OTUD4: variants seen among roughly 807,000 people sequenced by gnomAD.
OTUD4 encodes the protein OTU domain-containing protein 4.
Under a neutral mutation model 130.4 loss-of-function variants are expected in OTUD4, and 24 were observed. That is an observed-to-expected ratio of 0.18 (90% CI 0.13 to 0.26). The LOEUF (loss-of-function observed/expected upper bound fraction) is 0.26, where lower values mean the gene tolerates loss of function less well. OTUD4 is among the 10% of genes least tolerant of loss of function. The probability of loss-of-function intolerance (pLI) is 1.00; values close to 1 mark genes in which losing one functional copy is unlikely to be tolerated. For missense variants in OTUD4, 1,031 were observed against 1,329.4 expected (o/e 0.78, Z 3.49); for synonymous variants, 420 against 472.5 (o/e 0.89, Z 1.44).
chr4:145,145,392 T>G (rs923154908), intron 14 of OTUD4, among the ~76,000 whole-genome samples: 5 of 152,200 alleles, frequency 3.3e-5, no homozygotes, highest in African/African-American at 1.2e-4. Context: ...CAGATTAAAC[T>G]GCTATTCCAG....
chr4:145,138,658 GACA>G lies in OTUD4; in HGVS notation c.2125-11_2125-9del. The G allele has an allele frequency of 6.3e-7, 1 of 1,577,462 alleles. No individual in the cohort carries two copies. The highest frequency in any genetic ancestry group is 8.6e-7 in the Non-Finnish European group (1 of 1,166,620). On this transcript the variant is annotated splice_polypyrimidine_tract_variant and intron_variant, in intron 20 of 20. Transcript: ENST00000447906. ...CATAGGACAACTGTATGCCTGAAGA[GACA>G]AAAAACAGTTAAATAAACAAAAGAG...
intron 2 of OTUD4, among the ~76,000 whole-genome samples, chr4:145,172,910 TGA>T (rs1579290981): frequency 6.6e-6 from 1 of 152,102 alleles, no homozygotes; most frequent in Admixed American, 6.5e-5. Context: ...GCATCCTCTC[TGA>T]GAGTCTCCTT....
intron 3 of OTUD4, among the ~76,000 whole-genome samples, chr4:145,167,757 C>T (rs540084450): frequency 1.1e-4 from 16 of 152,198 alleles, no homozygotes; most frequent in South Asian, 2.1e-4. Context: ...ACTCAGGAGG[C>T]TGAGACAGGA....
chr4:145,143,549 C>CCT (rs1750685153), intron 16 of OTUD4, 104 bp from the exon 17 acceptor site: 1 of 650,804 alleles, frequency 1.5e-6, no homozygotes, highest in African/African-American at 1.8e-5. Context: ...CTGACAGAAC[C>CCT]CTCTCACCAC....
chr4:145,158,222 G>A (rs1393010977), intron 7 of OTUD4, among the ~76,000 whole-genome samples: 2 of 152,152 alleles, frequency 1.3e-5, no homozygotes, highest in Admixed American at 6.5e-5. Flanking sequence ...AGTGGCTCAC[G>A]CCTGTAATCC....
intron 2 of OTUD4, 135 bp downstream of exon 2, chr4:145,174,526 A>G (rs1313969044): frequency 1.7e-6 from 1 of 591,944 alleles, no homozygotes; most frequent in Non-Finnish European, 3.1e-6. Context: ...AGTTCAATAG[A>G]GAAGTTTTTT....
In OTUD4 at chr4:145,142,237, A is replaced by G. The variant is rs1002388587; in HGVS notation, c.1781T>C (p.Val594Ala). 2 of 1,614,042 alleles carry G rather than the reference A, an allele frequency of 1.2e-6. No individual in the cohort carries two copies. The highest frequency in any genetic ancestry group is 1.3e-5 in the African/African-American group (1 of 75,066). ...TGTAGGTTCACTTGGCCAGGCTGGC[A>G]CAGTGGCTGGTAAAGAAGGCACCGC... is the stretch of plus-strand genomic sequence containing the variant. ...TPAVPSLPATVPAWPSEPTTF... is the reference protein window; with the variant it reads ...TPAVPSLPATAPAWPSEPTTF... Residue 594 changes from valine (V) to alanine (A), a missense_variant, in exon 18 of 21, where the codon GTG (valine) becomes GCG (alanine). Coordinates refer to ENST00000447906, the MANE Select transcript of OTUD4 (RefSeq NM_001366057.1).
At chr4:145,139,334 G>A (rs976390849) in intron 20 of OTUD4, among the ~76,000 whole-genome samples, 3 of 152,164 alleles carry the variant, frequency 2.0e-5, no homozygotes, top group Non-Finnish European at 4.4e-5. Flanking sequence ...TCGTTTCATA[G>A]TTTAACTGTC....
At chr4:145,175,355 G>GT (rs1752367664) in intron 1 of OTUD4, among the ~76,000 whole-genome samples, 1 of 152,122 alleles carries the variant, frequency 6.6e-6, no homozygotes, top group African/African-American at 2.4e-5. Context: ...ATGTTGTGTG[G>GT]TATCATCCCA....
chr4:145,169,136 G>C (rs984886725), intron 3 of OTUD4, among the ~76,000 whole-genome samples: 5 of 152,136 alleles, frequency 3.3e-5, no homozygotes, highest in African/African-American at 9.7e-5. Flanking sequence ...GGGGATAGGC[G>C]GAAGAGGATT....
chr4:145,161,883 T>C (rs1307560306), intron 6 of OTUD4, among the ~76,000 whole-genome samples: 1 of 152,234 alleles, frequency 6.6e-6, no homozygotes, highest in Non-Finnish European at 1.5e-5. Context: ...AAATCTTTAT[T>C]ACCAAAATGA....
At position 145,159,653 on chromosome 4, in the gene OTUD4, CAG is replaced by C; in HGVS notation, c.497-20_497-19del. 1 of 1,609,778 alleles carries C rather than the reference CAG, an allele frequency of 6.2e-7. No homozygotes were observed. Among genetic ancestry groups the C allele is most frequent in the Non-Finnish European group, 8.5e-7 (1 of 1,177,906 alleles). The stretch of plus-strand genomic sequence containing the variant: ...AAGGAGAGCTGCAATTAATGACAGA[CAG>C]ATTTTCCAACATTAACTACAGGCAG... On this transcript the variant is annotated intron_variant, in intron 6 of 20. Transcript: ENST00000447906.
chr4:145,177,862 G>A (rs1432968425), intron 1 of OTUD4, among the ~76,000 whole-genome samples: 1 of 152,148 alleles, frequency 6.6e-6, no homozygotes, highest in Non-Finnish European at 1.5e-5. Flanking sequence ...GATTTTATAG[G>A]AGAAATTGTT....
chr4:145,155,273 T>G lies in OTUD4; in HGVS notation c.873+138A>C, dbSNP rs544560641. On this transcript the variant is annotated intron_variant, in intron 10 of 20. Coordinates refer to ENST00000447906, the MANE Select transcript of OTUD4 (RefSeq NM_001366057.1). ...AAAAAGCTAAATACTTGTAAACTAT[T>G]AAAATGTATATACATGATAAATATA... 37 of 682,880 alleles carry G rather than the reference T, an allele frequency of 5.4e-5. No individual in the cohort carries two copies. The South Asian group carries it at 6.5e-4, about 12-fold the overall frequency. 42.3% of individuals were successfully genotyped at this position (682,880 alleles called of 1,614,324 possible).
At chr4:145,173,242 T>C (rs1213212812) in intron 2 of OTUD4, among the ~76,000 whole-genome samples, 7 of 152,014 alleles carry the variant, frequency 4.6e-5, no homozygotes, top group Non-Finnish European at 1.0e-4. Flanking sequence ...ATACAAAAAA[T>C]TAGCCTGGCG....
intron 5 of OTUD4, among the ~76,000 whole-genome samples, chr4:145,163,084 C>A (rs566901131): frequency 6.6e-6 from 1 of 152,120 alleles, no homozygotes; most frequent in African/African-American, 2.4e-5. Context: ...CAAGCAAAAT[C>A]AAAGTTAAAT....
chr4:145,136,763 A>G lies in OTUD4; in HGVS notation c.*667T>C, dbSNP rs1170066573. The G allele has an allele frequency of 6.6e-6, 1 of 152,602 alleles. No individual in the cohort carries two copies. Among genetic ancestry groups the G allele is most frequent in the Non-Finnish European group, 1.5e-5 (1 of 68,028 alleles). 9.5% of individuals were successfully genotyped at this position (152,602 alleles called of 1,614,324 possible). On this transcript the variant is annotated 3_prime_UTR_variant, in exon 21 of 21. Transcript: ENST00000447906. Reference sequence around the variant, plus strand: ...AACAAATACCAAAATTCAAAAATATACCTTATGAATATTAAAAGAACTATA... The same window carrying G: ...AACAAATACCAAAATTCAAAAATATGCCTTATGAATATTAAAAGAACTATA...
At chr4:145,148,901 A>G (rs1488397449) in intron 13 of OTUD4, among the ~76,000 whole-genome samples, 1 of 152,228 alleles carries the variant, frequency 6.6e-6, no homozygotes, top group Non-Finnish European at 1.5e-5. Flanking sequence ...AGTTTGGTCA[A>G]TGTCCAAACA....
Position 145,134,672 on chromosome 4 carries a change from G to A in OTUD4, c.*2758C>T. ...GTCTGCCATGAAAATGAATTTGTGG[G>A]TTATCAGTAAACAGTATGAGGACTA... On this transcript the variant is annotated 3_prime_UTR_variant, in exon 21 of 21. Transcript: ENST00000447906. 2.5e-6 allele frequency: 1 copy of A among 398,828 alleles called. No individual in the cohort carries two copies. The highest frequency in any genetic ancestry group is 4.4e-6 in the Non-Finnish European group (1 of 225,956). 24.7% of individuals were successfully genotyped at this position (398,828 alleles called of 1,614,324 possible).
Sources: allele counts gnomAD v4.1 joint callset (sites outside exome capture counted in the v4.1 genomes callset), GRCh38; gene constraint gnomAD v4.1.1; transcripts MANE v1.5; gene names NCBI Gene and HGNC (gene_info 2026-07-23, HGNC 2026-07-21).